LYRM4: variants seen among roughly 807,000 people sequenced by gnomAD.
The protein encoded by LYRM4 is LYR motif-containing protein 4.
A neutral mutation model predicts 11.7 loss-of-function variants in LYRM4; 9 were observed. The ratio of observed to expected loss-of-function variants is 0.77; its 90% CI spans 0.46 to 1.34. The LOEUF is 1.34. Ranked by LOEUF, LYRM4 falls within the 40% of genes most tolerant of loss-of-function variation. LYRM4 has a pLI of 0.00. For missense variants in LYRM4, 133 were observed against 112.5 expected (o/e 1.18, Z -0.82); for synonymous variants, 42 against 40.4 (o/e 1.04, Z -0.15).
At chr6:5,203,679 C>T (rs1471234263) in intron 2 of LYRM4, among the ~76,000 whole-genome samples, 1 of 152,214 alleles carries the variant, frequency 6.6e-6, no homozygotes, top group Non-Finnish European at 1.5e-5. Context: ...GTCTTCACAG[C>T]TCCACTTAAT....
chr6:5,034,770 T>TTTTTTC, the LYRM4 span: 1 of 141,104 alleles, frequency 7.1e-6, no homozygotes, highest in Non-Finnish European at 1.5e-5. Flanking sequence ...TTTTTTTTTT[T>TTTTTTC]CAAAAAGCGT....
chr6:5,088,037 AT>A, the LYRM4 span: 1 of 152,148 alleles, frequency 6.6e-6, no homozygotes, highest in Admixed American at 6.5e-5. Context: ...CACACAGCTT[AT>A]TCTTGTAGGG....
the LYRM4 span, chr6:5,054,194 A>T: frequency 1.4e-6 from 1 of 697,324 alleles, no homozygotes; most frequent in Non-Finnish European, 1.8e-6. Context: ...GAAAGGAAGG[A>T]AAGACATCAC....
the LYRM4 span, among the ~76,000 whole-genome samples, chr6:5,037,595 G>A: frequency 8.4e-4 from 65 of 77,424 alleles, no homozygotes; most frequent in Middle Eastern, 5.5e-3. Flanking sequence ...GCCGGGCAGA[G>A]GCGCCCCTCA....
intron 2 of LYRM4, among the ~76,000 whole-genome samples, chr6:5,167,010 G>A (rs943858559): frequency 6.6e-6 from 1 of 152,070 alleles, no homozygotes; most frequent in East Asian, 1.9e-4. Flanking sequence ...GAGAGCTGCC[G>A]GCCCAGCCCA....
At chr6:5,235,125 T>G (rs560184018) in intron 1 of LYRM4, among the ~76,000 whole-genome samples, 6 of 152,092 alleles carry the variant, frequency 3.9e-5, no homozygotes, top group Non-Finnish European at 5.9e-5. Context: ...TTGCACATAG[T>G]GGTGTTAAAA....
At chr6:5,158,043 G>C (rs931631091) in intron 2 of LYRM4, among the ~76,000 whole-genome samples, 1 of 152,208 alleles carries the variant, frequency 6.6e-6, no homozygotes, top group East Asian at 1.9e-4. Flanking sequence ...TTGCTATGGG[G>C]ACAGGATCAG....
At chr6:5,173,912 T>C (rs915161990) in intron 2 of LYRM4, among the ~76,000 whole-genome samples, 1 of 152,200 alleles carries the variant, frequency 6.6e-6, no homozygotes, top group African/African-American at 2.4e-5. Context: ...CCTGGCAGTA[T>C]GGGTTGCTGT....
chr6:5,055,517 C>T, the LYRM4 span, among the ~76,000 whole-genome samples: 1 of 152,178 alleles, frequency 6.6e-6, no homozygotes, highest in Non-Finnish European at 1.5e-5. The surrounding 1 kb of genome is among the most constrained non-coding windows in gnomAD (Gnocchi z 4.5). Context: ...TATTACATTG[C>T]CTGGCCAAAT....
chr6:5,056,176 C>G, the LYRM4 span, among the ~76,000 whole-genome samples: 1 of 152,060 alleles, frequency 6.6e-6, no homozygotes, highest in Admixed American at 6.6e-5. Flanking sequence ...GGCTTTTTTG[C>G]AAATCTTTTT....
At chr6:5,163,484 C>G (rs145096673) in intron 2 of LYRM4, among the ~76,000 whole-genome samples, 1 of 151,348 alleles carries the variant, frequency 6.6e-6, no homozygotes, top group African/African-American at 2.4e-5. Context: ...CATCTGGTGG[C>G]AGAAGCATTC....
At chr6:5,120,101 T>C (rs1402582013) in intron 2 of LYRM4, among the ~76,000 whole-genome samples, 1 of 152,100 alleles carries the variant, frequency 6.6e-6, no homozygotes, top group Non-Finnish European at 1.5e-5. Context: ...TTTGCCATAT[T>C]GGCCAGGCTG....
At chr6:5,177,456 G>T (rs1018888273) in intron 2 of LYRM4, among the ~76,000 whole-genome samples, 15 of 152,198 alleles carry the variant, frequency 9.9e-5, no homozygotes, top group African/African-American at 3.6e-4. Flanking sequence ...CTCTCTAGGG[G>T]GCACCATTCA....
intron 1 of LYRM4, among the ~76,000 whole-genome samples, chr6:5,249,395 T>C (rs906584527): frequency 6.6e-6 from 1 of 152,106 alleles, no homozygotes; most frequent in African/African-American, 2.4e-5. Flanking sequence ...AGTTCAGGAG[T>C]CACAATTTTG....
At chr6:5,241,772 A>C (rs778900782) in intron 1 of LYRM4, among the ~76,000 whole-genome samples, 3 of 152,230 alleles carry the variant, frequency 2.0e-5, no homozygotes, top group Non-Finnish European at 2.9e-5. Flanking sequence ...GTTCGCAGGC[A>C]TATGTTATAT....
intron 2 of LYRM4, among the ~76,000 whole-genome samples, chr6:5,176,451 T>C (rs1310500632): frequency 6.6e-6 from 1 of 152,246 alleles, no homozygotes; most frequent in Non-Finnish European, 1.5e-5. Context: ...ATGGCTTCTT[T>C]GGTGCTACCA....
chr6:5,117,323 G>C (rs1053161609), intron 2 of LYRM4, among the ~76,000 whole-genome samples: 1 of 152,218 alleles, frequency 6.6e-6, no homozygotes, highest in Non-Finnish European at 1.5e-5. Context: ...TTAAGAGCCC[G>C]AGGTGGGTGG....
chr6:5,072,222 G>T, the LYRM4 span, among the ~76,000 whole-genome samples: 1 of 152,132 alleles, frequency 6.6e-6, no homozygotes, highest in Non-Finnish European at 1.5e-5. Context: ...CATCCAGTCT[G>T]TCATTGATGG....
At chr6:5,090,566 G>A in the LYRM4 span, among the ~76,000 whole-genome samples, 29 of 152,296 alleles carry the variant, frequency 1.9e-4, no homozygotes, top group African/African-American at 7.0e-4. The surrounding 1 kb of genome is among the most constrained non-coding windows in gnomAD (Gnocchi z 4.8). Context: ...GGTAGTTGCT[G>A]TTATCCACAA....
Sources: allele counts gnomAD v4.1 joint callset (sites outside exome capture counted in the v4.1 genomes callset), GRCh38; gene constraint gnomAD v4.1.1; non-coding constraint Gnocchi (gnomAD v3.1); transcripts MANE v1.5; gene names NCBI Gene and HGNC (gene_info 2026-07-23, HGNC 2026-07-21).